The following PKIG variants were observed in gnomAD, a reference collection of about 807,000 sequenced individuals.
PKIG encodes cAMP-dependent protein kinase inhibitor gamma, also known as protein kinase (cAMP-dependent, catalytic) inhibitor gamma.
A neutral mutation model predicts 6.8 loss-of-function variants in PKIG; 1 was observed. That is an observed-to-expected ratio of 0.15 (90% CI 0.05 to 0.69). The LOEUF is 0.69. Among genes scored for constraint, PKIG ranks in the 30% least tolerant of loss-of-function variants. PKIG has a pLI of 0.82. For missense variants in PKIG, 77 were observed against 104.0 expected (o/e 0.74, Z 1.13); for synonymous variants, 39 against 43.0 (o/e 0.91, Z 0.36).
chr20:44,552,930 C>T (rs1002099550), intron 1 of PKIG, among the ~76,000 whole-genome samples: 2 of 151,960 alleles, frequency 1.3e-5, no homozygotes, highest in Non-Finnish European at 1.5e-5. Context: ...TAACTGTTCC[C>T]TTTTTAGAGT....
chr20:44,613,569 T>G (rs527515494), intron 2 of PKIG, among the ~76,000 whole-genome samples: 1 of 152,330 alleles, frequency 6.6e-6, no homozygotes, highest in South Asian at 2.1e-4. Context: ...TTCTTCCATA[T>G]GTCAGCAAAC....
At chr20:44,578,323 C>T (rs548453257), upstream of PKIG, among the ~76,000 whole-genome samples, 96 of 130,244 alleles carry the variant, frequency 7.4e-4, no homozygotes, top group African/African-American at 2.8e-3. Flanking sequence ...CCTGAGACTC[C>T]ATCTCAAAAA....
intron 1 of PKIG, among the ~76,000 whole-genome samples, chr20:44,568,397 AT>A (rs1360099126): frequency 5.9e-5 from 9 of 151,716 alleles, no homozygotes; most frequent in Non-Finnish European, 1.2e-4. Flanking sequence ...AGTTTCTTCC[AT>A]TTTTTTCTAC....
At chr20:44,558,604 T>TTCTTTCTTTCTTTCTTTCTTTC (rs2064738448) in intron 1 of PKIG, among the ~76,000 whole-genome samples, 1 of 150,792 alleles carries the variant, frequency 6.6e-6, no homozygotes, top group Admixed American at 6.6e-5. Flanking sequence ...CTTTCTTTCT[T>TTCTTTCTTTCTTTCTTTCTTTC]TCTTTCTTTC....
At chr20:44,606,738 G>A (rs1164215753) in intron 2 of PKIG, among the ~76,000 whole-genome samples, 1 of 152,132 alleles carries the variant, frequency 6.6e-6, no homozygotes, top group African/African-American at 2.4e-5. Flanking sequence ...GAATCTGGGA[G>A]GAGGAGGTTG....
chr20:44,536,013 C>T (rs1568799898), intron 1 of PKIG, among the ~76,000 whole-genome samples: 1 of 152,154 alleles, frequency 6.6e-6, no homozygotes, highest in African/African-American at 2.4e-5. Flanking sequence ...CTTTTGTTTT[C>T]TATGTGTTTG....
At chr20:44,611,132 G>A (rs1159085902) in intron 2 of PKIG, among the ~76,000 whole-genome samples, 1 of 151,224 alleles carries the variant, frequency 6.6e-6, no homozygotes, top group Non-Finnish European at 1.5e-5. Context: ...TCAGCTCACG[G>A]CAGTCTCCGC....
intron 1 of PKIG, among the ~76,000 whole-genome samples, chr20:44,551,115 T>C (rs2064664282): frequency 6.6e-6 from 1 of 152,030 alleles, no homozygotes; most frequent in South Asian, 2.1e-4. Flanking sequence ...CAGGCTGGAG[T>C]GCAGTGATGC....
chr20:44,578,765 G>A (rs950575771), upstream of PKIG, among the ~76,000 whole-genome samples: 12 of 152,164 alleles, frequency 7.9e-5, no homozygotes, highest in Admixed American at 2.6e-4. Context: ...CTAACACTGC[G>A]TAACAAATTA....
chr20:44,564,670 T>C (rs1326375435), intron 1 of PKIG, among the ~76,000 whole-genome samples: 2 of 152,224 alleles, frequency 1.3e-5, no homozygotes, highest in Non-Finnish European at 2.9e-5. Flanking sequence ...CTCTTGAGTA[T>C]CTGGGACTAC....
chr20:44,558,596 TTCTTTC>T (rs2064738076), intron 1 of PKIG, among the ~76,000 whole-genome samples: 1 of 150,632 alleles, frequency 6.6e-6, no homozygotes, highest in East Asian at 1.9e-4. Flanking sequence ...CTTTCTTTCT[TTCTTTC>T]TTTCTTTCTT....
chr20:44,562,601 CA>C (rs1191493549), intron 1 of PKIG, among the ~76,000 whole-genome samples: 744 of 57,880 alleles, frequency 0.013, 2 homozygotes, highest in Non-Finnish European at 0.017. Context: ...GACCCTGTCT[CA>C]AAAAAAAAAA....
chr20:44,562,601 CAAAAAAAAAAA>C (rs1191493549), intron 1 of PKIG, among the ~76,000 whole-genome samples: 1 of 57,908 alleles, frequency 1.7e-5, no homozygotes, highest in African/African-American at 6.4e-5. Context: ...GACCCTGTCT[CAAAAAAAAAAA>C]AAAAAAAAGA....
intron 2 of PKIG, among the ~76,000 whole-genome samples, chr20:44,593,354 T>C (rs1053874913): frequency 4.7e-5 from 6 of 128,720 alleles, no homozygotes; most frequent in African/African-American, 1.8e-4. Context: ...ATTATAATGC[T>C]ATAATAATCA....
chr20:44,571,740 C>T (rs530667275), intron 1 of PKIG, among the ~76,000 whole-genome samples: 52 of 152,302 alleles, frequency 3.4e-4, no homozygotes, highest in African/African-American at 1.2e-3. Context: ...GGCTGTAACA[C>T]GTTCTGTGAG....
chr20:44,591,396 G>A (rs1309572583), intron 2 of PKIG, among the ~76,000 whole-genome samples: 1 of 152,140 alleles, frequency 6.6e-6, no homozygotes, highest in African/African-American at 2.4e-5. Context: ...TTGTGAGTCA[G>A]GCTTAGGAAG....
At chr20:44,537,934 G>T (rs2064527837) in intron 1 of PKIG, among the ~76,000 whole-genome samples, 1 of 151,864 alleles carries the variant, frequency 6.6e-6, no homozygotes, top group African/African-American at 2.4e-5. Context: ...ATGAATAATT[G>T]GGAAAATAAA....
chr20:44,551,059 A>G (rs954707099), intron 1 of PKIG, among the ~76,000 whole-genome samples: 32 of 152,114 alleles, frequency 2.1e-4, no homozygotes, highest in Non-Finnish European at 3.5e-4. Context: ...AAAACAAAGC[A>G]ACATTTTCCT....
At chr20:44,561,929 G>A (rs552782305) in intron 1 of PKIG, among the ~76,000 whole-genome samples, 3 of 152,324 alleles carry the variant, frequency 2.0e-5, no homozygotes, top group Admixed American at 1.3e-4. Context: ...AACTGAGCAA[G>A]CATCCATCTT....
Sources: gnomAD v4.1 joint callset for allele counts (sites outside exome capture counted in the v4.1 genomes callset) on GRCh38, gnomAD v4.1.1 for gene constraint, MANE v1.5 for transcripts, NCBI Gene and HGNC (gene_info 2026-07-23, HGNC 2026-07-21) for gene names.